PHYH: variants seen among roughly 807,000 people sequenced by gnomAD.
The protein encoded by PHYH is phytanoyl-CoA dioxygenase, peroxisomal.
In PHYH, 32 loss-of-function variants were observed where a neutral mutation model predicts 38.5. The ratio of observed to expected loss-of-function variants is 0.83; its 90% CI spans 0.63 to 1.12. The LOEUF is 1.12. Ranked by LOEUF, PHYH falls within the 50% of genes most tolerant of loss-of-function variation. The pLI is 0.00. For synonymous variants in PHYH, 166 were observed against 157.9 expected, an observed-to-expected ratio of 1.05 and a Z score of -0.38; for missense variants, 426 against 434.8, an observed-to-expected ratio of 0.98 and a Z score of 0.18.
In PHYH at chr10:13,298,181, A is replaced by G. The variant is rs1047121361; in HGVS notation, c.134+6T>C. ...ATATTTCAAAATCAAAACTCAAACT[A>G]CTTACTGGAATTGTTGAGGATGGAA... is the stretch of plus-strand genomic sequence containing the variant. On this transcript the variant is annotated splice_donor_region_variant and intron_variant, in intron 2 of 8. Transcript: ENST00000263038. 2 of 1,576,376 alleles carry G rather than the reference A, an allele frequency of 1.3e-6. No homozygotes were observed. Among genetic ancestry groups the G allele is most frequent in the Admixed American group, 1.7e-5 (1 of 59,956 alleles).
At chr10:13,282,484 C>T (rs1206309378) in intron 7 of PHYH, among the ~76,000 whole-genome samples, 1 of 150,412 alleles carries the variant, frequency 6.6e-6, no homozygotes, top group East Asian at 2.0e-4. Flanking sequence ...CTCAGCTACT[C>T]ACGAGGCTGA....
chr10:13,291,174 G>GTAA (rs1303878622), intron 5 of PHYH, among the ~76,000 whole-genome samples: 1 of 147,784 alleles, frequency 6.8e-6, no homozygotes, highest in Non-Finnish European at 1.5e-5. Context: ...AATTGTGTTA[G>GTAA]TAATAATAAT....
rs138982742 is a variant in PHYH at position 13,290,623 on chromosome 10, A to C, written c.496+1208T>G. 6.7e-4 allele frequency among the ~76,000 whole-genome samples: 102 copies of C among 151,876 alleles called. No individual in the cohort carries two copies. The East Asian group carries it at 0.017, about 25-fold the overall frequency. ...TCTGCACTACAATCTCTGGACTTGA[A>C]CTCCTGGGCTCCAGCGATCCTCCCC... On this transcript the variant is annotated intron_variant, in intron 5 of 8. Coordinates refer to ENST00000263038, the MANE Select transcript of PHYH (RefSeq NM_006214.4).
chr10:13,287,330 T>C (rs561387468), intron 6 of PHYH, among the ~76,000 whole-genome samples: 3 of 145,288 alleles, frequency 2.1e-5, no homozygotes, highest in South Asian at 4.6e-4. Flanking sequence ...AGAGTGAGAC[T>C]CCTCAAAAAC....
chr10:13,294,828 A>G, intron 3 of PHYH: 1 of 544,474 alleles, frequency 1.8e-6, no homozygotes, highest in Non-Finnish European at 3.3e-6. Context: ...GTCTTTTTAT[A>G]ATTTGGTTAC....
At chr10:13,293,231 CAT>C (rs1564426973) in intron 4 of PHYH, among the ~76,000 whole-genome samples, 1 of 152,176 alleles carries the variant, frequency 6.6e-6, no homozygotes, top group African/African-American at 2.4e-5. Context: ...CAACTTCTGA[CAT>C]AACTTGTACT....
At chr10:13,284,840 G>T (rs1432102517) in intron 6 of PHYH, among the ~76,000 whole-genome samples, 1 of 152,174 alleles carries the variant, frequency 6.6e-6, no homozygotes, top group Non-Finnish European at 1.5e-5. Flanking sequence ...AGCATCCCCA[G>T]TTCCTTCTGG....
intron 1 of PHYH, among the ~76,000 whole-genome samples, chr10:13,298,541 A>C (rs998753316): frequency 6.6e-6 from 1 of 151,928 alleles, no homozygotes; most frequent in African/African-American, 2.4e-5. Flanking sequence ...TCTCTACTAA[A>C]AATACAAAAA....
At position 13,294,605 on chromosome 10, in the gene PHYH, T is replaced by G; in HGVS notation, c.246-9A>C. 1 of 1,613,564 alleles carries G rather than the reference T, an allele frequency of 6.2e-7. No homozygotes were observed. The highest frequency in any genetic ancestry group is 8.5e-7 in the Non-Finnish European group (1 of 1,179,578). ...TTTTTTCAAACTCATTCCTAGAAAA[T>G]TTAATTTGCAAATGATGTCGTTACC... On this transcript the variant is annotated splice_polypyrimidine_tract_variant and intron_variant, in intron 3 of 8. Transcript: ENST00000263038.
At chr10:13,298,771 C>T (rs1411938650) in intron 1 of PHYH, among the ~76,000 whole-genome samples, 19 of 141,902 alleles carry the variant, frequency 1.3e-4, no homozygotes, top group African/African-American at 4.5e-4. Context: ...ACTGCTACTA[C>T]TACTACTACT....
At chr10:13,280,246 C>T (rs1263643773) in intron 8 of PHYH, among the ~76,000 whole-genome samples, 1 of 152,160 alleles carries the variant, frequency 6.6e-6, no homozygotes, top group Non-Finnish European at 1.5e-5. Context: ...GGATTACAGG[C>T]GTGAGCCACC....
chr10:13,281,904 C>A (rs1047145947), intron 7 of PHYH, among the ~76,000 whole-genome samples: 1 of 152,186 alleles, frequency 6.6e-6, no homozygotes, highest in Non-Finnish European at 1.5e-5. Flanking sequence ...AACACGCACC[C>A]CTATATCTGT....
At chr10:13,291,988 A>G in intron 4 of PHYH, 76 bp from the exon 5 acceptor site, 1 of 951,772 alleles carries the variant, frequency 1.1e-6, no homozygotes, top group Non-Finnish European at 1.7e-6. Context: ...AAAGTACAGT[A>G]GCTATCCACA....
At chr10:13,291,963 A>T in intron 4 of PHYH, 51 bp from the exon 5 acceptor site, 1 of 1,259,468 alleles carries the variant, frequency 7.9e-7, no homozygotes. Context: ...AATCAGAAGT[A>T]TTGACAACTG....
chr10:13,283,531 A>G lies in PHYH; in HGVS notation c.828+159T>C, dbSNP rs34105179. Among the ~76,000 whole-genome samples, 598 of 152,318 alleles carry G rather than the reference A, an allele frequency of 3.9e-3. 2 individuals carry two copies. Among genetic ancestry groups the G allele is most frequent in the Admixed American group, 6.2e-3 (95 of 15,296 alleles). ...AGCAAATATATTTCCTGGTAAATAA[A>G]CTGGACTAAAGTCCAGGTTGGTTAA... On this transcript the variant is annotated intron_variant, in intron 7 of 8. Coordinates refer to ENST00000263038, the MANE Select transcript of PHYH (RefSeq NM_006214.4).
rs985616745 is a variant in PHYH, at chr10:13,291,613, G to A, written c.496+218C>T. 17 of 541,802 alleles carry A rather than the reference G, an allele frequency of 3.1e-5. No homozygotes were observed. In the Admixed American group the frequency reaches 5.0e-4, roughly 16 times the overall value. 33.6% of individuals were successfully genotyped at this position (541,802 alleles called of 1,614,324 possible). A position where few individuals can be genotyped will look rare whatever the true frequency, so the allele number is the denominator to read the frequency against. On this transcript the variant is annotated intron_variant, in intron 5 of 8. Transcript: ENST00000263038. ...TCCCACCTCAGCCTTCCAATAGCAG[G>A]GACTACAAGTGCATACCACCATGCC... is the stretch of plus-strand genomic sequence containing the variant.
chr10:13,278,467 T>C (rs1019841622), intron 8 of PHYH, 113 bp from the exon 9 acceptor site: 3 of 769,978 alleles, frequency 3.9e-6, no homozygotes, highest in African/African-American at 3.4e-5. Context: ...AAAGGTTACA[T>C]AGGGAAAATA....
chr10:13,288,005 C>A (rs948705480), intron 6 of PHYH, among the ~76,000 whole-genome samples: 2 of 152,092 alleles, frequency 1.3e-5, no homozygotes, highest in Non-Finnish European at 2.9e-5. Context: ...CATGGCAAAA[C>A]CCTGTCTTTA....
At chr10:13,286,078 T>C (rs2131637688) in intron 6 of PHYH, among the ~76,000 whole-genome samples, 1 of 152,064 alleles carries the variant, frequency 6.6e-6, no homozygotes, top group Non-Finnish European at 1.5e-5. Context: ...CAGCTAATTA[T>C]TATTATTATT....
Sources: gnomAD v4.1 joint callset for allele counts (sites outside exome capture counted in the v4.1 genomes callset) on GRCh38, gnomAD v4.1.1 for gene constraint, MANE v1.5 for transcripts, NCBI Gene and HGNC (gene_info 2026-07-23, HGNC 2026-07-21) for gene names.